Variants in ELAPOR1 observed in about 807,000 individuals in gnomAD.
ELAPOR1 encodes endosome/lysosome-associated apoptosis and autophagy regulator 1.
ELAPOR1 carries 77 observed loss-of-function variants against 119.7 expected under a neutral mutation model. The observed-to-expected ratio is 0.64, with a 90% CI of 0.54 to 0.78. The LOEUF is 0.78. Among genes scored for constraint, ELAPOR1 ranks in the 30% least tolerant of loss-of-function variants. The pLI is 0.00. For synonymous variants in ELAPOR1, 481 were observed against 487.2 expected (o/e 0.99, Z 0.17); for missense variants, 1,115 against 1,270.4 (o/e 0.88, Z 1.86).
chr1:109,142,560 C>T (rs531426165), intron 1 of ELAPOR1, among the ~76,000 whole-genome samples: 11 of 152,250 alleles, frequency 7.2e-5, no homozygotes, highest in African/African-American at 1.9e-4. Context: ...GGTCCACAGC[C>T]GGGCACTGTC....
chr1:109,135,411 T>C (rs1378363797), intron 1 of ELAPOR1, among the ~76,000 whole-genome samples: 1 of 152,042 alleles, frequency 6.6e-6, no homozygotes, highest in Non-Finnish European at 1.5e-5. Flanking sequence ...ACCTGGCTAA[T>C]TTTTGTATTT....
At chr1:109,144,330 G>A (rs1650046434) in intron 1 of ELAPOR1, among the ~76,000 whole-genome samples, 2 of 151,804 alleles carry the variant, frequency 1.3e-5, no homozygotes, top group South Asian at 4.2e-4. Flanking sequence ...GAGATTACAG[G>A]CGTGAGCCAT....
chr1:109,193,184 G>A (rs1653560097), intron 14 of ELAPOR1, among the ~76,000 whole-genome samples: 1 of 152,134 alleles, frequency 6.6e-6, no homozygotes, highest in South Asian at 2.1e-4. Flanking sequence ...AAGGAACAGT[G>A]GGGTGAGGCC....
chr1:109,188,899 G>T (rs1234339846), intron 9 of ELAPOR1, among the ~76,000 whole-genome samples, 167 bp from the exon 10 acceptor site: 2 of 152,224 alleles, frequency 1.3e-5, no homozygotes, highest in African/African-American at 2.4e-5. Flanking sequence ...TAAATACATT[G>T]TCAGAATGTT....
chr1:109,179,515 G>A (rs1481194129), intron 7 of ELAPOR1, among the ~76,000 whole-genome samples: 1 of 152,050 alleles, frequency 6.6e-6, no homozygotes, highest in Non-Finnish European at 1.5e-5. Context: ...TTGCATCTAA[G>A]GCTGAGAAGC....
At chr1:109,123,609 AT>A in intron 1 of ELAPOR1, among the ~76,000 whole-genome samples, 1 of 152,310 alleles carries the variant, frequency 6.6e-6, no homozygotes, top group South Asian at 2.1e-4. Context: ...CTATTTTAAA[AT>A]AATCTTATTG....
At chr1:109,118,122 C>T (rs370261385) in intron 1 of ELAPOR1, among the ~76,000 whole-genome samples, 1 of 149,138 alleles carries the variant, frequency 6.7e-6, no homozygotes, top group Non-Finnish European at 1.5e-5. Flanking sequence ...AATGAAACTC[C>T]GTCTCAAAAA....
chr1:109,198,453 C>A, intron 17 of ELAPOR1, 120 bp from the exon 18 acceptor site: 3 of 851,460 alleles, frequency 3.5e-6, no homozygotes, highest in Non-Finnish European at 5.5e-6. Context: ...GTGTGCCAGG[C>A]TAAAGCCCAA....
intron 1 of ELAPOR1, chr1:109,161,549 T>A (rs561409069): frequency 5.9e-6 from 1 of 169,196 alleles, no homozygotes; most frequent in African/African-American, 2.3e-5. Flanking sequence ...CGTTCATAAA[T>A]TCTACACTTT....
At chr1:109,186,795 T>A (rs1653078233) in intron 8 of ELAPOR1, 1 of 985,482 alleles carries the variant, frequency 1.0e-6, no homozygotes, top group South Asian at 4.7e-5. Flanking sequence ...TTCTCTTCCC[T>A]CCCTGGGCTC....
chr1:109,164,431 C>T lies in ELAPOR1; in HGVS notation c.275-68C>T, dbSNP rs115031594. On this transcript the variant is annotated intron_variant, in intron 2 of 21. Transcript: ENST00000369939. ...CCCAGCGCTCCTCCCTTCAGCTGCT[C>T]GCAGCCCATTCACTTCTGGGGCTGC... 1,390 of 1,412,816 alleles carry T rather than the reference C, an allele frequency of 9.8e-4. 11 individuals carry two copies. In the African/African-American group the frequency reaches 0.017, roughly 17 times the overall value. The allele number at this position is 1,412,816 out of a possible 1,614,324, so 87.5% of individuals were successfully genotyped here. A position where few individuals can be genotyped will look rare whatever the true frequency, so the allele number is the denominator to read the frequency against.
intron 1 of ELAPOR1, among the ~76,000 whole-genome samples, chr1:109,148,967 A>G (rs1265760740): frequency 6.6e-6 from 1 of 152,190 alleles, no homozygotes; most frequent in Non-Finnish European, 1.5e-5. Context: ...TACAACCAGT[A>G]CTGAAAAACC....
chr1:109,132,255 C>T (rs1442124242), intron 1 of ELAPOR1, among the ~76,000 whole-genome samples: 1 of 151,988 alleles, frequency 6.6e-6, no homozygotes. Flanking sequence ...TCAAGCAATT[C>T]TCCTGCCTCA....
chr1:109,146,814 A>G (rs935815672), intron 1 of ELAPOR1, among the ~76,000 whole-genome samples: 1 of 152,062 alleles, frequency 6.6e-6, no homozygotes, highest in Non-Finnish European at 1.5e-5. Flanking sequence ...ATCATAGTTT[A>G]CTGTAACCTC....
At chr1:109,186,630 G>A (rs1349983906) in intron 8 of ELAPOR1, 1 of 985,340 alleles carries the variant, frequency 1.0e-6, no homozygotes, top group Non-Finnish European at 1.2e-6. Context: ...GTTCTGTGGT[G>A]TCTGGTATTC....
At position 109,204,249 on chromosome 1, in the gene ELAPOR1, C is replaced by T. The variant is rs2101158582; in HGVS notation, c.*1237C>T. ...TTTATTTGTTTTTTAAACCACGTAG[C>T]TCATTGCCTTCTCTTAAGTAAATGA... On this transcript the variant is annotated 3_prime_UTR_variant, in exon 22 of 22. Transcript: ENST00000369939. The T allele has an allele frequency of 6.6e-6, 1 of 152,336 alleles. No homozygotes were observed. Among genetic ancestry groups the T allele is most frequent in the African/African-American group, 2.4e-5 (1 of 41,578 alleles). 9.4% of individuals were successfully genotyped at this position (152,336 alleles called of 1,614,324 possible).
At position 109,192,857 on chromosome 1, in the gene ELAPOR1, G is replaced by A; in HGVS notation, c.1930G>A (p.Gly644Arg). 1 of 1,613,914 alleles carries A rather than the reference G, an allele frequency of 6.2e-7. No homozygotes were observed. The highest frequency in any genetic ancestry group is 8.5e-7 in the Non-Finnish European group (1 of 1,179,946). Reference sequence around the variant, plus strand: ...CCAGGCCTGTGTGCCCTGTGGTCCAGGGACCAAGAACAACAAGGTACCTGT... The same window carrying A: ...CCAGGCCTGTGTGCCCTGTGGTCCAAGGACCAAGAACAACAAGGTACCTGT... ...GVQACVPCGPGTKNNKIHSLC... is the reference protein window; with the variant it reads ...GVQACVPCGPRTKNNKIHSLC... The change falls in exon 14 of 22, where the codon GGG (glycine) becomes AGG (arginine). Residue 644 changes from glycine (G) to arginine (R), a missense_variant. By Grantham distance (125) the Gly-to-Arg change is moderately radical. Transcript: ENST00000369939.
At chr1:109,129,402 C>T (rs1192705315) in intron 1 of ELAPOR1, among the ~76,000 whole-genome samples, 6 of 152,136 alleles carry the variant, frequency 3.9e-5, no homozygotes, top group East Asian at 1.9e-4. Context: ...CCTAGCTACC[C>T]GGGAGGCTGA....
intron 3 of ELAPOR1, among the ~76,000 whole-genome samples, chr1:109,167,293 C>A (rs1287511983): frequency 1.3e-5 from 2 of 152,174 alleles, no homozygotes; most frequent in African/African-American, 4.8e-5. Flanking sequence ...TTAATAACAA[C>A]TTGTGTTTCC....
Sources: gnomAD v4.1 joint callset for allele counts (sites outside exome capture counted in the v4.1 genomes callset) on GRCh38, gnomAD v4.1.1 for gene constraint, MANE v1.5 for transcripts, NCBI Gene and HGNC (gene_info 2026-07-23, HGNC 2026-07-21) for gene names.